Variants in UGT8 observed in about 807,000 individuals in gnomAD.
The protein encoded by UGT8 is 2-hydroxyacylsphingosine 1-beta-galactosyltransferase.
A neutral mutation model predicts 40.5 loss-of-function variants in UGT8; 12 were observed. The observed-to-expected ratio is 0.30, with a 90% confidence interval of 0.19 to 0.48. The LOEUF is 0.48. Ranked by LOEUF, UGT8 falls within the 20% of genes least tolerant of loss-of-function variation. UGT8 has a pLI of 0.99. For missense variants in UGT8, 513 were observed against 648.7 expected (o/e 0.79, Z 2.27); for synonymous variants, 224 against 240.4 (o/e 0.93, Z 0.63).
intron 1 of UGT8, among the ~76,000 whole-genome samples, chr4:114,611,544 T>C (rs1053972257): frequency 3.2e-5 from 2 of 62,256 alleles, no homozygotes; most frequent in African/African-American, 7.1e-5. Flanking sequence ...TATATATATA[T>C]ATACACACAC....
At chr4:114,664,914 C>A (rs1734759999) in intron 3 of UGT8, among the ~76,000 whole-genome samples, 1 of 152,154 alleles carries the variant, frequency 6.6e-6, no homozygotes, top group Admixed American at 6.6e-5. Context: ...CCCTTTATAG[C>A]AAATGAGTAA....
chr4:114,660,176 A>G (rs967252483), intron 2 of UGT8, among the ~76,000 whole-genome samples: 5 of 152,208 alleles, frequency 3.3e-5, no homozygotes, highest in African/African-American at 9.6e-5. Context: ...CCCAGAGGCC[A>G]TTTAAAAAAA....
intron 1 of UGT8, among the ~76,000 whole-genome samples, chr4:114,601,074 A>G (rs1054866072): frequency 7.9e-5 from 12 of 152,204 alleles, no homozygotes; most frequent in African/African-American, 2.9e-4. Flanking sequence ...TCCAGGTAAT[A>G]CTACTATACA....
At position 114,676,515 on chromosome 4, in the gene UGT8, A is replaced by G. The variant is rs1276871870; in HGVS notation, c.*227A>G. ...CTGATGTAGAGAGTTTTGGCACTGA[A>G]CCTTTTAGAAGCCTTAATTATTTAA... is the stretch of plus-strand genomic sequence containing the variant. On this transcript the variant is annotated 3_prime_UTR_variant, in exon 6 of 6. Coordinates refer to ENST00000310836, the MANE Select transcript of UGT8 (RefSeq NM_001128174.3). 1 of 428,696 alleles carries G rather than the reference A, an allele frequency of 2.3e-6. No individual in the cohort carries two copies. The highest frequency in any genetic ancestry group is 2.0e-5 in the African/African-American group (1 of 49,714). 26.6% of individuals were successfully genotyped at this position (428,696 alleles called of 1,614,324 possible).
At chr4:114,660,936 G>A (rs1048040939) in intron 2 of UGT8, among the ~76,000 whole-genome samples, 1 of 150,060 alleles carries the variant, frequency 6.7e-6, no homozygotes, top group Non-Finnish European at 1.5e-5. Context: ...ACTTTTAATC[G>A]CTCTTTGACT....
chr4:114,650,927 C>T (rs987771026), intron 2 of UGT8, among the ~76,000 whole-genome samples: 12 of 151,666 alleles, frequency 7.9e-5, no homozygotes, highest in East Asian at 3.9e-4. Flanking sequence ...ATGTCATTTC[C>T]GTTGCCCAAA....
At chr4:114,669,381 C>CATACATAT (rs1273000213) in intron 5 of UGT8, among the ~76,000 whole-genome samples, 4 of 150,528 alleles carry the variant, frequency 2.7e-5, no homozygotes, top group African/African-American at 9.8e-5. Flanking sequence ...ATTTCATATA[C>CATACATAT]ATATATATAT....
chr4:114,636,665 T>C (rs556312227), intron 2 of UGT8, among the ~76,000 whole-genome samples: 12 of 152,214 alleles, frequency 7.9e-5, no homozygotes, highest in South Asian at 2.1e-4. Context: ...TCTCTTTTTT[T>C]ACTTTCTTCT....
chr4:114,676,452 C>T lies in UGT8; in HGVS notation c.*164C>T, dbSNP rs1735652289. 4.9e-6 allele frequency: 3 copies of T among 609,720 alleles called. No homozygotes were observed. The highest frequency in any genetic ancestry group is 3.7e-5 in the African/African-American group (2 of 53,954). 37.8% of individuals were successfully genotyped at this position (609,720 alleles called of 1,614,324 possible). A position where few individuals can be genotyped will look rare whatever the true frequency, so the allele number is the denominator to read the frequency against. On this transcript the variant is annotated 3_prime_UTR_variant, in exon 6 of 6. Transcript: ENST00000310836. Reference sequence around the variant, plus strand: ...GTGGAATTAAGATGGCTGTAAAAAGCACAAACCTAAAATGCAGAAATGTAT... The same window carrying T: ...GTGGAATTAAGATGGCTGTAAAAAGTACAAACCTAAAATGCAGAAATGTAT...
At chr4:114,625,850 C>G (rs1336548975) in intron 2 of UGT8, among the ~76,000 whole-genome samples, 1 of 152,024 alleles carries the variant, frequency 6.6e-6, no homozygotes, top group Non-Finnish European at 1.5e-5. Context: ...TTTAATTTGC[C>G]ATAATTTCTC....
chr4:114,653,754 A>G (rs1008064992), intron 2 of UGT8, among the ~76,000 whole-genome samples: 1 of 152,046 alleles, frequency 6.6e-6, no homozygotes, highest in Non-Finnish European at 1.5e-5. Context: ...AAAATTTATT[A>G]TTTATTTTTA....
intron 1 of UGT8, among the ~76,000 whole-genome samples, chr4:114,599,280 C>A (rs906004332): frequency 6.6e-6 from 1 of 152,090 alleles, no homozygotes; most frequent in Admixed American, 6.5e-5. Flanking sequence ...GGTTCTCTCG[C>A]GTTTGTGCGC....
chr4:114,675,892 A>G (rs767868927), intron 5 of UGT8, 33 bp from the exon 6 acceptor site: 1 of 1,564,936 alleles, frequency 6.4e-7, no homozygotes, highest in South Asian at 1.2e-5. Context: ...TATTATAAGC[A>G]TCATCATTCT....
chr4:114,661,978 C>G (rs1178398860), intron 2 of UGT8, among the ~76,000 whole-genome samples: 3 of 152,124 alleles, frequency 2.0e-5, no homozygotes, highest in African/African-American at 7.2e-5. Flanking sequence ...AATTTTAAAT[C>G]ATTCTGCTCT....
chr4:114,641,298 G>A lies in UGT8; in HGVS notation c.822+17596G>A, dbSNP rs1031988222. ...AGCTTATTCCTTCCCTTTCATCCGT[G>A]GGAGAAATCTGTTCCTCTTTGTTCA... is the stretch of plus-strand genomic sequence containing the variant. On this transcript the variant is annotated intron_variant, in intron 2 of 5. Coordinates refer to ENST00000310836, the MANE Select transcript of UGT8 (RefSeq NM_001128174.3). Among the ~76,000 whole-genome samples, 5 of 152,042 alleles carry A rather than the reference G, an allele frequency of 3.3e-5. No individual in the cohort carries two copies. The South Asian group carries it at 1.0e-3, about 32-fold the overall frequency.
intron 1 of UGT8, among the ~76,000 whole-genome samples, chr4:114,606,374 A>G (rs1730731761): frequency 6.6e-6 from 1 of 152,162 alleles, no homozygotes; most frequent in East Asian, 1.9e-4. Flanking sequence ...AAGACTAGGC[A>G]GTTAGTCTAG....
chr4:114,671,491 G>C (rs938719261), intron 5 of UGT8, among the ~76,000 whole-genome samples: 1 of 152,092 alleles, frequency 6.6e-6, no homozygotes, highest in Admixed American at 6.6e-5. Context: ...TAGACCAATG[G>C]AGCAGAACAG....
In UGT8 at chr4:114,622,898, A is replaced by G. The variant is rs150419642; in HGVS notation, c.18A>G (p.Pro6=). MKSYT[P]YFILLWSAVG... is the part of the protein sequence containing the mutation. ...TTACAGCTATGAAGTCTTACACTCC[A>G]TATTTCATTCTCCTGTGGAGTGCTG... is the stretch of plus-strand genomic sequence containing the variant. Residue 6 remains proline (P), a synonymous_variant, in exon 2 of 6, where the codon CCA becomes CCG. Coordinates refer to ENST00000310836, the MANE Select transcript of UGT8 (RefSeq NM_001128174.3). 1.6e-3 allele frequency: 2,514 copies of G among 1,613,114 alleles called. 7 individuals carry two copies. The highest frequency in any genetic ancestry group is 1.7e-3 in the Non-Finnish European group (2,036 of 1,179,450).
intron 1 of UGT8, among the ~76,000 whole-genome samples, chr4:114,603,188 A>T (rs1730538611): frequency 6.6e-6 from 1 of 152,156 alleles, no homozygotes; most frequent in Admixed American, 6.5e-5. Context: ...TTTGAGAGCA[A>T]GAGTGATAGA....
Sources: gnomAD v4.1 joint callset for allele counts (sites outside exome capture counted in the v4.1 genomes callset) on GRCh38, gnomAD v4.1.1 for gene constraint, MANE v1.5 for transcripts, NCBI Gene and HGNC (gene_info 2026-07-23, HGNC 2026-07-21) for gene names.